CEP170: variants seen among roughly 807,000 people sequenced by gnomAD.
The protein encoded by CEP170 is centrosomal protein 170, also known as centrosomal protein of 170 kDa.
CEP170 carries 21 observed loss-of-function variants against 151.9 expected under a neutral mutation model. The observed-to-expected ratio is 0.14, with a 90% CI of 0.10 to 0.20. CEP170 has a LOEUF of 0.20. Ranked by LOEUF, CEP170 falls within the 10% of genes least tolerant of loss-of-function variation. The pLI, the probability that CEP170 is intolerant of heterozygous loss-of-function variation, is 1.00. For synonymous variants in CEP170, 356 were observed against 648.8 expected (o/e 0.55, Z 6.86); for missense variants, 964 against 1,892.9 (o/e 0.51, Z 9.11).
At chr1:243,249,256 T>G (rs2065709957) in intron 1 of CEP170, among the ~76,000 whole-genome samples, 1 of 151,786 alleles carries the variant, frequency 6.6e-6, no homozygotes, top group African/African-American at 2.4e-5. Flanking sequence ...TGAGACCTCA[T>G]CTCTACAAAA....
At chr1:243,221,851 T>C in intron 2 of CEP170, 38 bp from the exon 3 acceptor site, 1 of 1,552,852 alleles carries the variant, frequency 6.4e-7, no homozygotes, top group Non-Finnish European at 8.7e-7. Flanking sequence ...TATAAGAAAA[T>C]ACTAGAATAA....
Position 243,191,471 on chromosome 1 carries a change from C to G in CEP170, c.655G>C (p.Val219Leu). The change falls in exon 8 of 20, where the codon GTT (valine) becomes CTT (leucine). Residue 219 changes from valine to leucine, a missense_variant. Val to Leu is a conservative substitution (Grantham distance 32). Transcript: ENST00000366542. ...TSGCGIDAKQ[V>L]EEQSAAANEE... ...TTTGCAGCTGCAGATTGTTCCTCAA[C>G]TTGCTTGGCATCTATGCCGCACCCT... 2.0e-6 allele frequency: 2 copies of G among 1,011,602 alleles called. No homozygotes were observed. The highest frequency in any genetic ancestry group is 2.9e-6 in the Non-Finnish European group (2 of 678,084). 62.7% of individuals were successfully genotyped at this position (1,011,602 alleles called of 1,614,324 possible). A position where few individuals can be genotyped will look rare whatever the true frequency, so the allele number is the denominator to read the frequency against.
Position 243,165,825 on chromosome 1 carries a change from G to A in CEP170, c.2135C>T (p.Thr712Ile), listed in dbSNP as rs760420221. The part of the protein sequence containing the change: ...NRAVNGETLK[T>I]GGDNKTLLHL... ...AAGTAGGGTTTTATTATCTCCACCA[G>A]TTTTGAGAGTCTCTCCATTTACTGC... The change falls in exon 13 of 20, where the codon ACT (threonine) becomes ATT (isoleucine). Residue 712 changes from threonine (T) to isoleucine (I), a missense_variant. Physicochemically the swap from Thr to Ile is moderately conservative, Grantham distance 89. Transcript: ENST00000366542. 22 of 1,613,852 alleles carry A rather than the reference G, an allele frequency of 1.4e-5. No individual in the cohort carries two copies. In the African/African-American group the frequency reaches 2.7e-4, roughly 20 times the overall value.
rs200338798 is a variant in CEP170 at position 243,164,207 on chromosome 1, C to CT, written c.3676+76dup. On this transcript the variant is annotated intron_variant, in intron 13 of 19. Coordinates refer to ENST00000366542, the MANE Select transcript of CEP170 (RefSeq NM_014812.3). ...TCTTGGGAAGACAACTAGAACCTTA[C>CT]TTTTTTTTTTAAAAAAAAAAAGGAG... The CT allele has an allele frequency of 8.3e-3, 9,296 of 1,117,314 alleles. 1 individual carries two copies. Among genetic ancestry groups the CT allele is most frequent in the South Asian group, 0.015 (454 of 29,658 alleles). 69.2% of individuals were successfully genotyped at this position (1,117,314 alleles called of 1,614,324 possible). A position where few individuals can be genotyped will look rare whatever the true frequency, so the allele number is the denominator to read the frequency against.
chr1:243,195,540 G>C (rs1397407016), intron 7 of CEP170, among the ~76,000 whole-genome samples: 1 of 151,748 alleles, frequency 6.6e-6, no homozygotes, highest in South Asian at 2.1e-4. Context: ...TTACTAGGTA[G>C]CAAACACTCT....
chr1:243,196,074 T>C (rs1324373359), intron 7 of CEP170, among the ~76,000 whole-genome samples: 1 of 152,132 alleles, frequency 6.6e-6, no homozygotes, highest in African/African-American at 2.4e-5. Flanking sequence ...TAGATGAAAG[T>C]ATTGCTGGAT....
chr1:243,215,753 C>T (rs2062214609), intron 3 of CEP170, among the ~76,000 whole-genome samples: 1 of 152,132 alleles, frequency 6.6e-6, no homozygotes, highest in African/African-American at 2.4e-5. Context: ...CCTTGTGAAG[C>T]ATGTCATCTC....
chr1:243,165,182 G>C lies in CEP170; in HGVS notation c.2778C>G (p.Asp926Glu), dbSNP rs1377837400. Residue 926 changes from aspartate (D) to glutamate (E), a missense_variant, in exon 13 of 20, where the codon GAC becomes GAG. Asp to Glu is a conservative substitution (Grantham distance 45, BLOSUM62 2). Coordinates refer to ENST00000366542, the MANE Select transcript of CEP170 (RefSeq NM_014812.3). ...EGPDTPSYNRDNSISPESDVD... is the reference protein window; with the variant it reads ...EGPDTPSYNRENSISPESDVD... ...CATCAGATTCTGGTGAAATAGAATT[G>C]TCTCTATTATAACTGGGAGTATCTG... 3 of 1,613,554 alleles carry C rather than the reference G, an allele frequency of 1.9e-6. No homozygotes were observed. The highest frequency in any genetic ancestry group is 2.7e-5 in the African/African-American group (2 of 74,902).
intron 15 of CEP170, 154 bp downstream of exon 15, chr1:243,142,162 C>T: frequency 6.7e-7 from 1 of 1,481,482 alleles, no homozygotes; most frequent in African/African-American, 1.4e-5. Context: ...GTTACAAAAA[C>T]ATAAAATAAA....
chr1:243,181,579 A>G (rs978761157), intron 10 of CEP170, among the ~76,000 whole-genome samples: 5 of 152,310 alleles, frequency 3.3e-5, no homozygotes, highest in African/African-American at 1.2e-4. Context: ...ATCTCTTTAA[A>G]GAAATCCTAT....
intron 1 of CEP170, among the ~76,000 whole-genome samples, chr1:243,241,771 C>T (rs1296538758): frequency 1.3e-5 from 2 of 148,336 alleles, no homozygotes; most frequent in African/African-American, 5.0e-5. Flanking sequence ...GCCTGGACAA[C>T]ATAGTGAGAC....
At chr1:243,201,529 C>G (rs1412504446) in intron 4 of CEP170, among the ~76,000 whole-genome samples, 1 of 152,112 alleles carries the variant, frequency 6.6e-6, no homozygotes, top group African/African-American at 2.4e-5. Context: ...ACATTTCCCA[C>G]CATTACTTAA....
intron 1 of CEP170, among the ~76,000 whole-genome samples, chr1:243,238,042 T>C (rs2064416355): frequency 6.6e-6 from 1 of 152,192 alleles, no homozygotes; most frequent in Admixed American, 6.6e-5. Flanking sequence ...TCTTAGGCTA[T>C]GGATGTTTAA....
intron 1 of CEP170, among the ~76,000 whole-genome samples, chr1:243,228,332 T>C (rs9803701): frequency 0.85 from 130,009 of 152,224 alleles, 55,681 homozygotes; most frequent in East Asian, 0.94. Flanking sequence ...CTCAGCTTAT[T>C]TGATATAGTT....
At chr1:243,249,698 C>T (rs563978751) in intron 1 of CEP170, among the ~76,000 whole-genome samples, 1 of 152,302 alleles carries the variant, frequency 6.6e-6, no homozygotes, top group African/African-American at 2.4e-5. Context: ...GACTTTACAT[C>T]GTAAAAGAAT....
At chr1:243,188,024 G>C (rs903488251) in intron 8 of CEP170, among the ~76,000 whole-genome samples, 7 of 151,824 alleles carry the variant, frequency 4.6e-5, no homozygotes, top group Admixed American at 3.9e-4. Flanking sequence ...GAAAAAATGG[G>C]ATTAATTAAT....
chr1:243,249,893 C>T (rs942319590), intron 1 of CEP170, among the ~76,000 whole-genome samples: 1 of 152,122 alleles, frequency 6.6e-6, no homozygotes, highest in Non-Finnish European at 1.5e-5. Flanking sequence ...TCATCCTGGC[C>T]AACATGGTGA....
intron 8 of CEP170, among the ~76,000 whole-genome samples, chr1:243,189,371 A>G (rs978855295): frequency 6.6e-6 from 1 of 152,020 alleles, no homozygotes; most frequent in African/African-American, 2.4e-5. Flanking sequence ...CCTGGCTAAC[A>G]CGGTGAAACC....
At chr1:243,217,049 C>A (rs2062363994) in intron 3 of CEP170, among the ~76,000 whole-genome samples, 1 of 152,174 alleles carries the variant, frequency 6.6e-6, no homozygotes, top group Admixed American at 6.5e-5. Context: ...CTACTACACA[C>A]CCAGGCTGTA....
Sources: allele counts gnomAD v4.1 joint callset (sites outside exome capture counted in the v4.1 genomes callset), GRCh38; gene constraint gnomAD v4.1.1; transcripts MANE v1.5; gene names NCBI Gene and HGNC (gene_info 2026-07-23, HGNC 2026-07-21).